NCKAP5: variants seen among roughly 807,000 people sequenced by gnomAD.
NCKAP5 encodes the protein NCK associated protein 5.
Under a neutral mutation model 167.0 loss-of-function variants are expected in NCKAP5, and 92 were observed. That is an observed-to-expected ratio of 0.55 (90% CI 0.47 to 0.66). The LOEUF (loss-of-function observed/expected upper bound fraction) is 0.66. NCKAP5 is among the 30% of genes least tolerant of loss of function. The pLI is 0.00. For missense variants in NCKAP5, 2,378 were observed against 2,315.0 expected (o/e 1.03, Z -0.56); for synonymous variants, 891 against 877.4 (o/e 1.02, Z -0.27).
intron 6 of NCKAP5, among the ~76,000 whole-genome samples, chr2:133,021,318 TG>T (rs1256833827): frequency 2.0e-5 from 3 of 152,008 alleles, no homozygotes; most frequent in Non-Finnish European, 4.4e-5. Flanking sequence ...TTGGATACAG[TG>T]GGCCTGGAGG....
intron 4 of NCKAP5, among the ~76,000 whole-genome samples, chr2:133,261,604 A>G (rs543490149): frequency 6.6e-6 from 1 of 152,312 alleles, no homozygotes; most frequent in African/African-American, 2.4e-5. Context: ...TGTGTTCTTC[A>G]TCTTTGCATC....
chr2:133,614,265 T>C, the NCKAP5 span, among the ~76,000 whole-genome samples: 1 of 151,996 alleles, frequency 6.6e-6, no homozygotes, highest in African/African-American at 2.4e-5. Flanking sequence ...GTTCTGTTGG[T>C]GGGGCACTGT....
intron 3 of NCKAP5, among the ~76,000 whole-genome samples, chr2:133,462,568 A>G (rs1019671340): frequency 1.3e-5 from 2 of 152,212 alleles, no homozygotes; most frequent in African/African-American, 4.8e-5. Flanking sequence ...CATGACCATG[A>G]TTTTAGAGAG....
intron 6 of NCKAP5, among the ~76,000 whole-genome samples, chr2:133,124,109 C>T (rs1340718771): frequency 6.6e-6 from 1 of 152,170 alleles, no homozygotes; most frequent in African/African-American, 2.4e-5. Flanking sequence ...ATCCCCATTA[C>T]AGTAAGTAAA....
chr2:133,460,172 G>A (rs1343142780), intron 3 of NCKAP5, among the ~76,000 whole-genome samples: 2 of 152,046 alleles, frequency 1.3e-5, no homozygotes, highest in Non-Finnish European at 2.9e-5. Context: ...CACTAACAAG[G>A]AAATTAGCTC....
chr2:133,432,298 G>A (rs1255913840), intron 3 of NCKAP5, among the ~76,000 whole-genome samples: 2 of 152,080 alleles, frequency 1.3e-5, no homozygotes, highest in African/African-American at 4.8e-5. Flanking sequence ...CCAGCACACA[G>A]AATTAAAAAA....
intron 5 of NCKAP5, among the ~76,000 whole-genome samples, chr2:133,211,032 T>G (rs932365064): frequency 3.4e-5 from 5 of 146,300 alleles, no homozygotes; most frequent in African/African-American, 1.3e-4. Flanking sequence ...CTTTCTCTTT[T>G]ACTCTTCACC....
chr2:133,489,044 G>A (rs1409118780), intron 3 of NCKAP5, among the ~76,000 whole-genome samples: 3 of 152,176 alleles, frequency 2.0e-5, no homozygotes, highest in Non-Finnish European at 2.9e-5. Flanking sequence ...TGCCATGATC[G>A]TGCCACTGCA....
intron 8 of NCKAP5, chr2:132,930,932 T>A (rs1033719551): frequency 1.3e-4 from 20 of 152,166 alleles, no homozygotes; most frequent in African/African-American, 4.6e-4. Context: ...TTTATCTCCC[T>A]CTATACTCTG....
chr2:133,045,028 T>C (rs756021635), intron 6 of NCKAP5, among the ~76,000 whole-genome samples: 1 of 141,122 alleles, frequency 7.1e-6, no homozygotes, highest in Non-Finnish European at 1.5e-5. Context: ...ACACCCAGCC[T>C]GGGAAACAAA....
chr2:132,790,795 G>A (rs1055494177), intron 12 of NCKAP5, among the ~76,000 whole-genome samples: 3 of 152,146 alleles, frequency 2.0e-5, no homozygotes, highest in African/African-American at 4.8e-5. Flanking sequence ...AGCACTAAAC[G>A]AGGGTCTAGT....
At chr2:133,591,904 A>G in the NCKAP5 span, among the ~76,000 whole-genome samples, 1 of 152,200 alleles carries the variant, frequency 6.6e-6, no homozygotes, top group African/African-American at 2.4e-5. Flanking sequence ...TATAAGGCAA[A>G]CAGTTAAAAT....
At chr2:133,132,114 C>T (rs1418678505) in intron 5 of NCKAP5, among the ~76,000 whole-genome samples, 2 of 151,796 alleles carry the variant, frequency 1.3e-5, no homozygotes, top group Non-Finnish European at 2.9e-5. Context: ...ATGGTGAAAC[C>T]CCGTCTCTAC....
At chr2:132,856,103 G>T (rs1356896931) in intron 11 of NCKAP5, among the ~76,000 whole-genome samples, 1 of 152,202 alleles carries the variant, frequency 6.6e-6, no homozygotes, top group Non-Finnish European at 1.5e-5. Flanking sequence ...GGCAAAGCTT[G>T]CATAGACCAC....
intron 19 of NCKAP5, among the ~76,000 whole-genome samples, chr2:132,688,712 C>T (rs539160235): frequency 3.9e-5 from 6 of 152,162 alleles, no homozygotes; most frequent in African/African-American, 1.4e-4. Context: ...GATGAAGAAG[C>T]ACAGGACTTC....
chr2:133,157,009 T>G (rs1034286320), intron 5 of NCKAP5, among the ~76,000 whole-genome samples: 6 of 152,176 alleles, frequency 3.9e-5, no homozygotes, highest in African/African-American at 1.4e-4. Context: ...ACTGTGTATG[T>G]CCCTTGCTTA....
chr2:132,919,353 C>T lies in NCKAP5; in HGVS notation c.580-40437G>A, dbSNP rs144663359. ...AGCATATAATTAAAGAAGGTGGAGG[C>T]GCAGAGGCCCTGGCAGAGACTGTGT... On this transcript the variant is annotated intron_variant, in intron 8 of 19. Coordinates refer to ENST00000409261, the MANE Select transcript of NCKAP5 (RefSeq NM_207363.3). Among the ~76,000 whole-genome samples the T allele has an allele frequency of 4.8e-3, 728 of 152,178 alleles. 9 individuals carry two copies. The highest frequency in any genetic ancestry group is 0.017 in the African/African-American group (708 of 41,520).
At chr2:133,361,713 G>A (rs1347147140) in intron 3 of NCKAP5, among the ~76,000 whole-genome samples, 4 of 152,126 alleles carry the variant, frequency 2.6e-5, no homozygotes, top group Non-Finnish European at 4.4e-5. Flanking sequence ...AAAGACAATT[G>A]GGTTGTCATC....
At chr2:132,899,582 T>G (rs940303838) in intron 8 of NCKAP5, among the ~76,000 whole-genome samples, 5 of 152,208 alleles carry the variant, frequency 3.3e-5, no homozygotes, top group African/African-American at 7.2e-5. Context: ...TGATTTAAAG[T>G]GAAAGACATG....
Sources: allele counts gnomAD v4.1 joint callset (sites outside exome capture counted in the v4.1 genomes callset), GRCh38; gene constraint gnomAD v4.1.1; transcripts MANE v1.5; gene names NCBI Gene and HGNC (gene_info 2026-07-23, HGNC 2026-07-21).